Variants in ZC3HAV1L observed in about 807,000 individuals in gnomAD.
The protein encoded by ZC3HAV1L is ZC3HAV1 like.
A neutral mutation model predicts 28.2 loss-of-function variants in ZC3HAV1L; 23 were observed. That is an observed-to-expected ratio of 0.82 (90% CI 0.59 to 1.16). The LOEUF is 1.16. Among genes scored for constraint, ZC3HAV1L ranks in the 50% most tolerant of loss-of-function variants. The pLI, the probability that ZC3HAV1L is intolerant of heterozygous loss-of-function variation, is 0.00. For synonymous variants in ZC3HAV1L, 180 were observed against 163.4 expected (o/e 1.10, Z -0.78); for missense variants, 376 against 387.7 (o/e 0.97, Z 0.25).
At chr7:139,028,440 G>A (rs1014238024) in intron 3 of ZC3HAV1L, among the ~76,000 whole-genome samples, 9 of 150,764 alleles carry the variant, frequency 6.0e-5, no homozygotes, top group Middle Eastern at 3.5e-3. Flanking sequence ...ACAAGCTACT[G>A]TTCAATCACT....
rs1815351398 is a variant in ZC3HAV1L at position 139,026,317 on chromosome 7, A to C, written c.*227T>G. ...GGATTGCCACAATATAAATTGATAG[A>C]AAAACAATGGTGGACCACAGAAGTC... is the stretch of plus-strand genomic sequence containing the variant. On this transcript the variant is annotated 3_prime_UTR_variant, in exon 5 of 5. Coordinates refer to ENST00000275766, the MANE Select transcript of ZC3HAV1L (RefSeq NM_080660.4). 1 of 574,498 alleles carries C rather than the reference A, an allele frequency of 1.7e-6. No homozygotes were observed. The highest frequency in any genetic ancestry group is 1.9e-5 in the African/African-American group (1 of 52,802). The allele number at this position is 574,498 out of a possible 1,614,324, so 35.6% of individuals were successfully genotyped here.
intron 2 of ZC3HAV1L, among the ~76,000 whole-genome samples, chr7:139,033,413 T>C (rs1337551746): frequency 6.6e-6 from 1 of 152,192 alleles, no homozygotes; most frequent in Admixed American, 6.5e-5. Flanking sequence ...TCTTTTTTAT[T>C]GAGAGAGTGG....
chr7:139,027,746 A>C (rs1159535977), intron 3 of ZC3HAV1L, among the ~76,000 whole-genome samples: 1 of 151,940 alleles, frequency 6.6e-6, no homozygotes, highest in Non-Finnish European at 1.5e-5. Context: ...CAATATTCCT[A>C]GCAATATGGG....
At chr7:139,032,024 A>G (rs529394256) in intron 2 of ZC3HAV1L, among the ~76,000 whole-genome samples, 1 of 152,138 alleles carries the variant, frequency 6.6e-6, no homozygotes, top group Admixed American at 6.5e-5. Context: ...GCAGTGAGCT[A>G]TGACCAGCCT....
rs903322852 is a variant in ZC3HAV1L, at chr7:139,028,736, C to G, written c.726G>C (p.Lys242Asn). ...VVNFQIISTYKHMKLHKMLEN... is the reference protein window; with the variant it reads ...VVNFQIISTYNHMKLHKMLEN... Reference sequence around the variant, plus strand: ...CAAGCATCTTGTGCAGCTTCATATGCTTGTAGGTGGAGATTATCTGAAAAT... The same window carrying G: ...CAAGCATCTTGTGCAGCTTCATATGGTTGTAGGTGGAGATTATCTGAAAAT... Residue 242 changes from lysine (K) to asparagine (N), a missense_variant, in exon 3 of 5, where the codon AAG (lysine) becomes AAC (asparagine). Coordinates refer to ENST00000275766, the MANE Select transcript of ZC3HAV1L (RefSeq NM_080660.4). 5.0e-6 allele frequency: 8 copies of G among 1,614,008 alleles called. No individual in the cohort carries two copies. Among genetic ancestry groups the G allele is most frequent in the African/African-American group, 1.3e-5 (1 of 74,910 alleles).
At chr7:139,025,141 C>A (rs1815319453), downstream of ZC3HAV1L, among the ~76,000 whole-genome samples, 1 of 152,122 alleles carries the variant, frequency 6.6e-6, no homozygotes, top group South Asian at 2.1e-4. Context: ...TGTGACTGGG[C>A]TTTGGTAAAA....
downstream of ZC3HAV1L, among the ~76,000 whole-genome samples, chr7:139,025,484 A>G (rs750881895): frequency 6.6e-6 from 1 of 151,368 alleles, no homozygotes; most frequent in Non-Finnish European, 1.5e-5. Flanking sequence ...AGTGAGGTAG[A>G]AGTCTCTGGA....
In ZC3HAV1L at chr7:139,034,612, T is replaced by C; in HGVS notation, c.432A>G (p.Gly144=). 6.2e-7 allele frequency: 1 copy of C among 1,613,994 alleles called. No homozygotes were observed. Among genetic ancestry groups the C allele is most frequent in the Non-Finnish European group, 8.5e-7 (1 of 1,179,968 alleles). Residue 144 remains glycine, a synonymous_variant, in exon 2 of 5, where the codon GGA becomes GGG. Coordinates refer to ENST00000275766, the MANE Select transcript of ZC3HAV1L (RefSeq NM_080660.4). ...PVNMQVLKSH[G]LFGLNENQLR... ...GCTGGTTTTCATTGAGACCAAAAAG[T>C]CCATGGCTTTTCAGGACCTGCATGT...
intron 2 of ZC3HAV1L, among the ~76,000 whole-genome samples, chr7:139,032,816 T>C (rs565280863): frequency 1.3e-5 from 2 of 152,160 alleles, no homozygotes; most frequent in East Asian, 1.9e-4. Context: ...ACAATGTAAA[T>C]ATATTAAAAC....
downstream of ZC3HAV1L, chr7:139,022,396 A>C (rs1399359616): frequency 2.3e-6 from 1 of 437,404 alleles, no homozygotes; most frequent in Admixed American, 2.4e-5. Context: ...ACCTAAAAAG[A>C]TTAGCTGAGT....
chr7:139,024,921 C>T (rs1242316994), downstream of ZC3HAV1L, among the ~76,000 whole-genome samples: 3 of 152,040 alleles, frequency 2.0e-5, no homozygotes, highest in Non-Finnish European at 4.4e-5. Context: ...TCTTGTGGTA[C>T]CCCTTGATGA....
intron 3 of ZC3HAV1L, among the ~76,000 whole-genome samples, chr7:139,027,155 CA>C (rs1161736437): frequency 6.6e-6 from 1 of 152,074 alleles, no homozygotes; most frequent in Non-Finnish European, 1.5e-5. Context: ...CTGGTATATG[CA>C]GAGCCCTCCC....
chr7:139,035,464 C>T (rs912713634), intron 1 of ZC3HAV1L, 189 bp downstream of exon 1: 1 of 985,404 alleles, frequency 1.0e-6, no homozygotes, highest in African/African-American at 1.7e-5. Flanking sequence ...AGGACCTTCG[C>T]GCCTTTCCGC....
At chr7:139,034,412 C>G (rs372061062) in intron 2 of ZC3HAV1L, 131 bp downstream of exon 2, 1 of 1,408,666 alleles carries the variant, frequency 7.1e-7, no homozygotes, top group Non-Finnish European at 9.6e-7. Context: ...TAAAGGGTAC[C>G]TTTAAAGCAT....
At chr7:139,033,177 TGA>T (rs1815587109) in intron 2 of ZC3HAV1L, among the ~76,000 whole-genome samples, 1 of 149,458 alleles carries the variant, frequency 6.7e-6, no homozygotes. Flanking sequence ...CCAGCCTGTG[TGA>T]GAGAGTAAGA....
At position 139,033,810 on chromosome 7, in the gene ZC3HAV1L, G is replaced by T. The variant is rs113594826; in HGVS notation, c.501+733C>A. The T allele has an allele frequency of 1.8e-5, 18 of 985,414 alleles. 1 individual carries two copies. In the African/African-American group the frequency reaches 2.4e-4, roughly 13 times the overall value. 61.0% of individuals were successfully genotyped at this position (985,414 alleles called of 1,614,324 possible). A position where few individuals can be genotyped will look rare whatever the true frequency, so the allele number is the denominator to read the frequency against. On this transcript the variant is annotated intron_variant, in intron 2 of 4. Transcript: ENST00000275766. ...GCACCACGCCTTCTCTCTGAGACAG[G>T]AAGGACTGGACCCAGCCTCATAGGT...
chr7:139,026,624 T>G (rs1374478135), intron 4 of ZC3HAV1L, 64 bp from the exon 5 acceptor site: 2 of 1,612,896 alleles, frequency 1.2e-6, no homozygotes, highest in African/African-American at 1.3e-5. Context: ...TGGTTACAAA[T>G]TAAAGCTAAA....
chr7:139,022,315 G>C (rs980132273), downstream of ZC3HAV1L: 1 of 311,014 alleles, frequency 3.2e-6, no homozygotes, highest in African/African-American at 2.2e-5. Context: ...AGGCCAAGGC[G>C]GGAGGACTGC....
intron 1 of ZC3HAV1L, 160 bp downstream of exon 1, chr7:139,035,493 G>A (rs900751147): frequency 1.0e-6 from 1 of 985,290 alleles, no homozygotes; most frequent in Non-Finnish European, 1.2e-6. Context: ...TGGAAGCGCG[G>A]GGGAGGACGC....
Sources: allele counts gnomAD v4.1 joint callset (sites outside exome capture counted in the v4.1 genomes callset), GRCh38; gene constraint gnomAD v4.1.1; transcripts MANE v1.5; gene names NCBI Gene and HGNC (gene_info 2026-07-23, HGNC 2026-07-21).